RARB: variants seen among roughly 807,000 people sequenced by gnomAD.
The protein encoded by RARB is HBV-activated protein.
A neutral mutation model predicts 51.9 loss-of-function variants in RARB; 17 were observed. The ratio of observed to expected loss-of-function variants is 0.33; its 90% CI spans 0.22 to 0.49. RARB has a LOEUF of 0.49. Ranked by LOEUF, RARB falls within the 20% of genes least tolerant of loss-of-function variation. The pLI, the probability that RARB is intolerant of heterozygous loss-of-function variation, is 0.99. For synonymous variants in RARB, 215 were observed against 195.4 expected (o/e 1.10, Z -0.84); for missense variants, 369 against 550.8 (o/e 0.67, Z 3.30).
intron 5 of RARB, among the ~76,000 whole-genome samples, chr3:25,292,257 C>T (rs994585293): frequency 6.6e-6 from 1 of 152,130 alleles, no homozygotes; most frequent in Non-Finnish European, 1.5e-5. Context: ...GGTGAGATAG[C>T]CCCTTCCCAC....
intron 5 of RARB, among the ~76,000 whole-genome samples, chr3:25,308,020 C>A (rs185620574): frequency 1.3e-5 from 2 of 152,282 alleles, no homozygotes; most frequent in East Asian, 3.9e-4. Context: ...GTTTGCCAAT[C>A]CCTGCCCTGT....
rs533344209 is a variant in RARB, at chr3:25,511,866, A to C, written c.448+10543A>C. On this transcript the variant is annotated intron_variant, in intron 3 of 7. Coordinates refer to ENST00000330688, the MANE Select transcript of RARB (RefSeq NM_000965.5). ...TCAAGGTTTAGACCTTTCCTGATAA[A>C]ACAAGGGGTCAATGAATGGGTGGAT... Among the ~76,000 whole-genome samples, 5 of 152,308 alleles carry C rather than the reference A, an allele frequency of 3.3e-5. No individual in the cohort carries two copies. In the East Asian group the frequency reaches 9.7e-4, roughly 29 times the overall value.
At chr3:25,550,796 G>T (rs905506085) in intron 3 of RARB, among the ~76,000 whole-genome samples, 3 of 152,030 alleles carry the variant, frequency 2.0e-5, no homozygotes, top group African/African-American at 4.8e-5. Flanking sequence ...GTGTCCATGT[G>T]TTCTCATTGT....
chr3:25,416,474 C>G (rs1483091644), intron 5 of RARB, among the ~76,000 whole-genome samples: 1 of 152,158 alleles, frequency 6.6e-6, no homozygotes, highest in Non-Finnish European at 1.5e-5. Flanking sequence ...TTGATATTAT[C>G]CAGTTCCAGG....
At chr3:25,352,506 A>T (rs991785117) in intron 5 of RARB, 2 of 152,208 alleles carry the variant, frequency 1.3e-5, no homozygotes, top group African/African-American at 4.8e-5. Context: ...CTCTTTGTCA[A>T]GCAAGTCTGT....
intron 3 of RARB, among the ~76,000 whole-genome samples, chr3:25,551,770 G>C (rs1239530202): frequency 1.3e-5 from 2 of 152,110 alleles, no homozygotes; most frequent in Non-Finnish European, 2.9e-5. Flanking sequence ...TTCTTTAGAT[G>C]GGCTGCCAGA....
intron 3 of RARB, among the ~76,000 whole-genome samples, chr3:25,540,739 T>A (rs1699343333): frequency 6.6e-6 from 1 of 152,192 alleles, no homozygotes; most frequent in Admixed American, 6.5e-5. Flanking sequence ...GAGAGAGAGA[T>A]CATAACATTA....
chr3:24,877,892 T>C (rs1390474897), intron 2 of RARB, among the ~76,000 whole-genome samples: 1 of 152,204 alleles, frequency 6.6e-6, no homozygotes, highest in Admixed American at 6.5e-5. Context: ...AGGAAGATTT[T>C]CCTGTTTCTT....
intron 5 of RARB, among the ~76,000 whole-genome samples, chr3:25,378,277 T>C (rs1478354984): frequency 6.6e-6 from 1 of 152,194 alleles, no homozygotes; most frequent in Non-Finnish European, 1.5e-5. Flanking sequence ...CAGTGTTCCA[T>C]GGTAAATGAG....
chr3:25,057,592 G>T (rs1488773713), intron 2 of RARB, among the ~76,000 whole-genome samples: 1 of 151,966 alleles, frequency 6.6e-6, no homozygotes, highest in East Asian at 1.9e-4. Flanking sequence ...CTTGGCATAG[G>T]AAAGACTTAC....
intron 3 of RARB, among the ~76,000 whole-genome samples, chr3:25,112,117 A>T (rs555957961): frequency 6.6e-6 from 1 of 152,326 alleles, no homozygotes; most frequent in East Asian, 1.9e-4. Flanking sequence ...ATAAAAGAAC[A>T]GACTCTTGTA....
rs552266466 is a variant in RARB, at chr3:25,489,809, T to C, written c.307-11373T>C. Among the ~76,000 whole-genome samples the C allele has an allele frequency of 3.9e-5, 6 of 152,310 alleles. No individual in the cohort carries two copies. In the South Asian group the frequency reaches 1.0e-3, roughly 26 times the overall value. On this transcript the variant is annotated intron_variant, in intron 2 of 7. Transcript: ENST00000330688. The stretch of plus-strand genomic sequence containing the variant: ...ACACTCTAGGTTTGGGGGGCCTGGG[T>C]AAGTATGACTGGACAAAGGCATGAG...
chr3:25,084,747 T>C (rs1011761682), intron 3 of RARB, among the ~76,000 whole-genome samples: 4 of 151,692 alleles, frequency 2.6e-5, no homozygotes, highest in African/African-American at 9.7e-5. Flanking sequence ...TGGGGTTTTT[T>C]TTAATGTTTG....
chr3:24,880,782 T>C (rs1703143347), intron 2 of RARB, among the ~76,000 whole-genome samples: 1 of 152,248 alleles, frequency 6.6e-6, no homozygotes, highest in Non-Finnish European at 1.5e-5. Context: ...GTAATGCTAC[T>C]CTTCTCACTA....
intron 3 of RARB, among the ~76,000 whole-genome samples, chr3:25,095,964 G>A (rs527970695): frequency 7.2e-5 from 11 of 152,228 alleles, no homozygotes; most frequent in African/African-American, 1.9e-4. Context: ...CTCCACCGCC[G>A]GGGAAGTGAA....
At chr3:25,195,921 T>C (rs1701222142) in intron 5 of RARB, among the ~76,000 whole-genome samples, 2 of 152,022 alleles carry the variant, frequency 1.3e-5, no homozygotes, top group Non-Finnish European at 2.9e-5. Flanking sequence ...GGCTCTATTT[T>C]AAATCAGTTA....
intron 2 of RARB, among the ~76,000 whole-genome samples, chr3:24,981,966 G>T (rs1390251033): frequency 6.6e-6 from 1 of 152,206 alleles, no homozygotes; most frequent in Non-Finnish European, 1.5e-5. Context: ...TTGAAAAGGA[G>T]TGTAGCTACT....
chr3:25,194,500 CAT>C (rs1223003676), intron 5 of RARB, among the ~76,000 whole-genome samples: 3 of 149,564 alleles, frequency 2.0e-5, no homozygotes, highest in Non-Finnish European at 3.0e-5. Context: ...TATACACACA[CAT>C]AGTGATATAT....
chr3:25,537,846 T>C (rs1185330264), intron 3 of RARB, among the ~76,000 whole-genome samples: 1 of 152,128 alleles, frequency 6.6e-6, no homozygotes, highest in Non-Finnish European at 1.5e-5. Context: ...ACCTCTTTTC[T>C]CTCCTCACAG....
Sources: gnomAD v4.1 joint callset for allele counts (sites outside exome capture counted in the v4.1 genomes callset) on GRCh38, gnomAD v4.1.1 for gene constraint, MANE v1.5 for transcripts, NCBI Gene and HGNC (gene_info 2026-07-23, HGNC 2026-07-21) for gene names.